Variants in MAN2A1 observed in about 807,000 individuals in gnomAD.
The protein encoded by MAN2A1 is mannosidase alpha class 2A member 1, also known as alpha-mannosidase 2.
In MAN2A1, 76 loss-of-function variants were observed where a neutral mutation model predicts 142.6. That is an observed-to-expected ratio of 0.53 (90% CI 0.44 to 0.65). The LOEUF (loss-of-function observed/expected upper bound fraction) is 0.65. MAN2A1 is among the 30% of genes least tolerant of loss of function. The pLI is 0.00. For missense variants in MAN2A1, 1,311 were observed against 1,365.1 expected (o/e 0.96, Z 0.62); for synonymous variants, 559 against 473.2 (o/e 1.18, Z -2.35).
intron 7 of MAN2A1, 36 bp downstream of exon 7, chr5:109,770,577 AAT>A: frequency 6.3e-7 from 1 of 1,584,824 alleles, no homozygotes; most frequent in Non-Finnish European, 8.6e-7. Flanking sequence ...CAACATCTTG[AAT>A]AAAGTAGCCA....
Position 109,713,606 on chromosome 5 carries a change from C to G in MAN2A1, c.222C>G (p.Asp74Glu). Residue 74 changes from aspartate to glutamate, a missense_variant, in exon 2 of 22, where the codon GAC becomes GAG. Transcript: ENST00000261483. ...ENNEIISNIR[D>E]SVINLSESVE... ...ATGAGATCATCTCAAATATTAGAGA[C>G]TCAGTCATCAATTTGAGTGAGTCTG... 1.9e-6 allele frequency: 3 copies of G among 1,614,020 alleles called. No homozygotes were observed. The South Asian group carries it at 3.3e-5, about 18-fold the overall frequency.
At position 109,770,342 on chromosome 5, in the gene MAN2A1, C is replaced by A; in HGVS notation, c.1010-13C>A. The A allele has an allele frequency of 2.5e-6, 4 of 1,606,074 alleles. No individual in the cohort carries two copies. The highest frequency in any genetic ancestry group is 3.4e-6 in the Non-Finnish European group (4 of 1,175,528). On this transcript the variant is annotated splice_polypyrimidine_tract_variant and intron_variant, in intron 6 of 21. Transcript: ENST00000261483. ...TTATAAATGCAGGTTTGTGTGTTGG[C>A]TCTTTATTTTAGATCTGGGATCTGT...
At chr5:109,705,991 C>A (rs892373426) in intron 1 of MAN2A1, among the ~76,000 whole-genome samples, 1 of 152,230 alleles carries the variant, frequency 6.6e-6, no homozygotes, top group South Asian at 2.1e-4. Flanking sequence ...TTAATTACAT[C>A]AGTGAAATTC....
intron 4 of MAN2A1, among the ~76,000 whole-genome samples, chr5:109,751,186 C>T (rs910643510): frequency 9.2e-5 from 14 of 151,990 alleles, no homozygotes; most frequent in African/African-American, 3.4e-4. Context: ...TCCTTCTACT[C>T]TCCACTTCTG....
At chr5:109,706,446 C>G (rs1355931447) in intron 1 of MAN2A1, among the ~76,000 whole-genome samples, 1 of 152,176 alleles carries the variant, frequency 6.6e-6, no homozygotes, top group Non-Finnish European at 1.5e-5. Flanking sequence ...ACAGCCAGTC[C>G]AAGCAATGGA....
At position 109,807,014 on chromosome 5, in the gene MAN2A1, A is replaced by C. The variant is rs371014702; in HGVS notation, c.1944-10259A>C. ...AGTAAAATTCTAATTTTTATTGCTGAAAGAGTGTTCTGTACCTTAGCGTTG... is the reference window on the plus strand; with the variant it reads ...AGTAAAATTCTAATTTTTATTGCTGCAAGAGTGTTCTGTACCTTAGCGTTG... On this transcript the variant is annotated intron_variant, in intron 12 of 21. Coordinates refer to ENST00000261483, the MANE Select transcript of MAN2A1 (RefSeq NM_002372.4). 9.8e-5 allele frequency among the ~76,000 whole-genome samples: 15 copies of C among 152,358 alleles called. No individual in the cohort carries two copies. The South Asian group carries it at 3.1e-3, about 32-fold the overall frequency.
chr5:109,694,748 G>A (rs1750766299), intron 1 of MAN2A1, among the ~76,000 whole-genome samples: 1 of 151,858 alleles, frequency 6.6e-6, no homozygotes, highest in Admixed American at 6.6e-5. Context: ...CATAGTAGAT[G>A]TTATTAATGA....
chr5:109,854,990 T>C (rs1755569274), intron 19 of MAN2A1, 150 bp from the exon 20 acceptor site: 1 of 443,474 alleles, frequency 2.3e-6, no homozygotes, highest in African/African-American at 2.0e-5. Flanking sequence ...CTTGGTAGTT[T>C]ATGGAGTATT....
At position 109,758,969 on chromosome 5, in the gene MAN2A1, G is replaced by A. The variant is rs560063649; in HGVS notation, c.835+3513G>A. On this transcript the variant is annotated intron_variant, in intron 5 of 21. Coordinates refer to ENST00000261483, the MANE Select transcript of MAN2A1 (RefSeq NM_002372.4). ...CTTGACTTATATTTATGCCAGTACC[G>A]TACTGTCTTGATTACTATAGCTTGT... Among the ~76,000 whole-genome samples the A allele has an allele frequency of 1.6e-3, 242 of 152,002 alleles. 1 individual carries two copies. Among genetic ancestry groups the A allele is most frequent in the African/African-American group, 5.3e-3 (220 of 41,488 alleles).
intron 16 of MAN2A1, among the ~76,000 whole-genome samples, chr5:109,826,718 C>T (rs1203282976): frequency 2.0e-5 from 3 of 152,306 alleles, no homozygotes; most frequent in East Asian, 1.9e-4. Flanking sequence ...GATAGATATA[C>T]GAAGTCTTCA....
chr5:109,846,080 T>C, intron 18 of MAN2A1, 74 bp downstream of exon 18: 1 of 1,369,932 alleles, frequency 7.3e-7, no homozygotes, highest in Non-Finnish European at 9.8e-7. Flanking sequence ...GTTGGTCAGA[T>C]GTGGTATAAT....
chr5:109,815,719 T>G (rs958441889), intron 12 of MAN2A1, among the ~76,000 whole-genome samples: 4 of 152,176 alleles, frequency 2.6e-5, no homozygotes, highest in Non-Finnish European at 4.4e-5. Context: ...TATTTCTTAA[T>G]GAACACTTTG....
chr5:109,713,784 A>G lies in MAN2A1; in HGVS notation c.390+10A>G, dbSNP rs201663332. On this transcript the variant is annotated intron_variant, in intron 2 of 21. Transcript: ENST00000261483. ...CAATTCAGATGTGCAGGTAATGTAT[A>G]CATTCGTTAATAATCACTGGCCTTT... The G allele has an allele frequency of 1.0e-4, 159 of 1,587,234 alleles. 1 individual carries two copies. The African/African-American group carries it at 2.0e-3, about 20-fold the overall frequency.
chr5:109,753,463 G>T (rs1752600664), intron 4 of MAN2A1, among the ~76,000 whole-genome samples: 1 of 152,144 alleles, frequency 6.6e-6, no homozygotes, highest in Admixed American at 6.5e-5. Context: ...ATTGGATATT[G>T]TGTTTCTTTA....
At chr5:109,748,152 T>C (rs966262538) in intron 4 of MAN2A1, among the ~76,000 whole-genome samples, 8 of 152,176 alleles carry the variant, frequency 5.3e-5, no homozygotes, top group African/African-American at 1.7e-4. Context: ...TGACTTATTT[T>C]CAGTGAGCAT....
Position 109,690,398 on chromosome 5 carries a change from C to G in MAN2A1, c.-20C>G, listed in dbSNP as rs182162290. ...CCTTTGGCTGAGGAGAGTGTCCTGG[C>G]CCCGAGTCTATCGAGGAAAATGAAG... On this transcript the variant is annotated 5_prime_UTR_variant, in exon 1 of 22. Coordinates refer to ENST00000261483, the MANE Select transcript of MAN2A1 (RefSeq NM_002372.4). The G allele has an allele frequency of 6.2e-7, 1 of 1,613,912 alleles. No individual in the cohort carries two copies. Among genetic ancestry groups the G allele is most frequent in the East Asian group, 2.2e-5 (1 of 44,872 alleles).
chr5:109,847,539 C>G, intron 18 of MAN2A1, 118 bp from the exon 19 acceptor site: 1 of 894,988 alleles, frequency 1.1e-6, no homozygotes, highest in Non-Finnish European at 1.5e-6. Context: ...AATCCACCTC[C>G]TTGACTAGAG....
rs1561549990 is a variant in MAN2A1 at position 109,867,617 on chromosome 5, T to C, written c.*619T>C. The C allele has an allele frequency of 6.6e-6, 1 of 152,604 alleles. No individual in the cohort carries two copies. Among genetic ancestry groups the C allele is most frequent in the Non-Finnish European group, 1.5e-5 (1 of 68,024 alleles). 9.5% of individuals were successfully genotyped at this position (152,604 alleles called of 1,614,324 possible). On this transcript the variant is annotated 3_prime_UTR_variant, in exon 22 of 22. Transcript: ENST00000261483. ...TCTAAGTATTTCCAGAAATACCTGATTTTGAATCATTCAACAGTAGAAAAA... is the reference window on the plus strand; with the variant it reads ...TCTAAGTATTTCCAGAAATACCTGACTTTGAATCATTCAACAGTAGAAAAA...
intron 12 of MAN2A1, among the ~76,000 whole-genome samples, chr5:109,804,677 A>G (rs1267125849): frequency 1.3e-5 from 2 of 152,078 alleles, no homozygotes; most frequent in African/African-American, 2.4e-5. Context: ...TATTGTTTTC[A>G]TATTTTTTAC....
Sources: gnomAD v4.1 joint callset for allele counts (sites outside exome capture counted in the v4.1 genomes callset) on GRCh38, gnomAD v4.1.1 for gene constraint, MANE v1.5 for transcripts, NCBI Gene and HGNC (gene_info 2026-07-23, HGNC 2026-07-21) for gene names.